Variants in SLIT2 observed in about 807,000 individuals in gnomAD.
SLIT2 encodes the protein slit homolog 2 protein.
In SLIT2, 41 loss-of-function variants were observed where a neutral mutation model predicts 185.7. The ratio of observed to expected loss-of-function variants is 0.22; its 90% CI spans 0.17 to 0.29. SLIT2 has a LOEUF of 0.29. Among genes scored for constraint, SLIT2 ranks in the 10% least tolerant of loss-of-function variants. The pLI, the probability that SLIT2 is intolerant of heterozygous loss-of-function variation, is 1.00. For missense variants in SLIT2, 1,571 were observed against 1,909.0 expected (o/e 0.82, Z 3.30); for synonymous variants, 693 against 680.2 (o/e 1.02, Z -0.29).
intron 4 of SLIT2, among the ~76,000 whole-genome samples, chr4:20,354,052 T>C (rs1003483388): frequency 2.6e-5 from 4 of 152,160 alleles, no homozygotes; most frequent in African/African-American, 9.6e-5. Flanking sequence ...AAAAGAGTGC[T>C]GTGTTAGCAG....
intron 29 of SLIT2, chr4:20,573,322 A>C: frequency 2.8e-6 from 2 of 702,790 alleles, no homozygotes; most frequent in Non-Finnish European, 5.2e-6. Flanking sequence ...TTGTAAAGTT[A>C]CATAGATTTC....
intron 11 of SLIT2, among the ~76,000 whole-genome samples, chr4:20,518,557 G>GTGTGTGTA (rs1271279922): frequency 3.4e-4 from 6 of 17,848 alleles, no homozygotes; most frequent in African/African-American, 4.4e-4. Flanking sequence ...CAGCCTATAT[G>GTGTGTGTA]TATATATATA....
intron 4 of SLIT2, among the ~76,000 whole-genome samples, chr4:20,367,691 A>G (rs1347703990): frequency 1.3e-5 from 2 of 152,166 alleles, no homozygotes; most frequent in Admixed American, 1.3e-4. Context: ...GGAATAACTC[A>G]GTTCACTGAA....
At chr4:20,277,503 TTC>T (rs1714285844) in intron 4 of SLIT2, among the ~76,000 whole-genome samples, 1 of 151,740 alleles carries the variant, frequency 6.6e-6, no homozygotes. Context: ...ATTATACATT[TTC>T]TAGGGTAAAA....
At chr4:20,340,843 G>A (rs574401121) in intron 4 of SLIT2, among the ~76,000 whole-genome samples, 7 of 152,092 alleles carry the variant, frequency 4.6e-5, no homozygotes, top group South Asian at 2.1e-4. Flanking sequence ...CCTCGTGATC[G>A]GCCTGCCTCG....
chr4:20,479,102 T>C (rs1716427435), intron 5 of SLIT2, among the ~76,000 whole-genome samples: 1 of 152,222 alleles, frequency 6.6e-6, no homozygotes, highest in Non-Finnish European at 1.5e-5. Context: ...TAAAATTGTA[T>C]CTTCTTTGGG....
chr4:20,471,564 T>A (rs917642749), intron 5 of SLIT2, among the ~76,000 whole-genome samples: 6 of 152,144 alleles, frequency 3.9e-5, no homozygotes, highest in African/African-American at 1.4e-4. Flanking sequence ...AAAAAGAAGC[T>A]GCCCAGGCCA....
chr4:20,492,554 A>G (rs1293377398), intron 9 of SLIT2, among the ~76,000 whole-genome samples: 2 of 152,222 alleles, frequency 1.3e-5, no homozygotes, highest in African/African-American at 4.8e-5. Flanking sequence ...AGGTCACATA[A>G]GATGTAAAAT....
At chr4:20,592,948 G>A (rs762340348) in intron 30 of SLIT2, among the ~76,000 whole-genome samples, 17 of 152,046 alleles carry the variant, frequency 1.1e-4, no homozygotes, top group Non-Finnish European at 1.9e-4. Context: ...ACTCTTAGAG[G>A]CTATATACTC....
At position 20,330,157 on chromosome 4, in the gene SLIT2, A is replaced by G. The variant is rs539664640; in HGVS notation, c.395+61276A>G. On this transcript the variant is annotated intron_variant, in intron 4 of 36. Transcript: ENST00000504154. The stretch of plus-strand genomic sequence containing the variant: ...GTGTTGATTGTGCAAATCTAGCTGA[A>G]TGATCAATTTATTCTGTGGTTTTTT... Among the ~76,000 whole-genome samples, 5 of 152,154 alleles carry G rather than the reference A, an allele frequency of 3.3e-5. No homozygotes were observed. In the East Asian group the frequency reaches 7.7e-4, roughly 24 times the overall value.
rs549188049 is a variant in SLIT2 at position 20,580,081 on chromosome 4, A to G, written c.3089-9563A>G. 1.1e-4 allele frequency among the ~76,000 whole-genome samples: 16 copies of G among 145,208 alleles called. No homozygotes were observed. In the South Asian group the frequency reaches 1.9e-3, roughly 17 times the overall value. On this transcript the variant is annotated intron_variant, in intron 29 of 36. Transcript: ENST00000504154. Reference sequence around the variant, plus strand: ...ATGTATATATTATATATATATATATATATTTGAGACCGTGTCTGGCCTAGG... The same window carrying G: ...ATGTATATATTATATATATATATATGTATTTGAGACCGTGTCTGGCCTAGG...
At chr4:20,306,057 C>T (rs1398722830) in intron 4 of SLIT2, among the ~76,000 whole-genome samples, 1 of 151,840 alleles carries the variant, frequency 6.6e-6, no homozygotes, top group East Asian at 1.9e-4. Flanking sequence ...GAAAGAAACC[C>T]TAGAATCTTG....
intron 4 of SLIT2, among the ~76,000 whole-genome samples, chr4:20,321,439 G>A (rs1719071819): frequency 6.6e-6 from 1 of 152,180 alleles, no homozygotes; most frequent in Admixed American, 6.5e-5. Context: ...AAAAATAGGA[G>A]TATATGAGTA....
intron 24 of SLIT2, among the ~76,000 whole-genome samples, chr4:20,550,381 A>T (rs1412383669): frequency 3.4e-5 from 5 of 148,326 alleles, no homozygotes; most frequent in Admixed American, 3.4e-4. Context: ...GGTTTTTTTT[A>T]AATGAAAGAA....
At chr4:20,425,381 A>G (rs1375667834) in intron 4 of SLIT2, among the ~76,000 whole-genome samples, 1 of 152,176 alleles carries the variant, frequency 6.6e-6, no homozygotes, top group East Asian at 1.9e-4. Flanking sequence ...ATAAATAAAT[A>G]AACAAATAAA....
chr4:20,444,645 C>T (rs1428483999), intron 4 of SLIT2, among the ~76,000 whole-genome samples: 3 of 152,164 alleles, frequency 2.0e-5, no homozygotes, highest in African/African-American at 7.2e-5. Flanking sequence ...AGTGCAGTAT[C>T]GGTGCAATAA....
Position 20,542,638 on chromosome 4 carries a change from T to C in SLIT2, c.2276+12T>C. On this transcript the variant is annotated intron_variant, in intron 21 of 36. Transcript: ENST00000504154. Reference sequence around the variant, plus strand: ...GATGTCACAGAGTTGTAAGTAGAGCTTGTCTTTCTTTTCTTTTCTTTTTCC... The same window carrying C: ...GATGTCACAGAGTTGTAAGTAGAGCCTGTCTTTCTTTTCTTTTCTTTTTCC... 1 of 1,611,294 alleles carries C rather than the reference T, an allele frequency of 6.2e-7. No homozygotes were observed. Among genetic ancestry groups the C allele is most frequent in the South Asian group, 1.1e-5 (1 of 90,226 alleles).
intron 4 of SLIT2, among the ~76,000 whole-genome samples, chr4:20,288,936 A>G (rs1715536844): frequency 6.6e-6 from 1 of 152,216 alleles, no homozygotes; most frequent in African/African-American, 2.4e-5. Flanking sequence ...ATGGACTTCA[A>G]GTCTCTGTTT....
chr4:20,476,454 C>G (rs1210571722), intron 5 of SLIT2, among the ~76,000 whole-genome samples: 2 of 151,956 alleles, frequency 1.3e-5, no homozygotes, highest in African/African-American at 4.8e-5. Flanking sequence ...ATAAAGTAAA[C>G]TATTTCTAGC....
Sources: gnomAD v4.1 joint callset for allele counts (sites outside exome capture counted in the v4.1 genomes callset) on GRCh38, gnomAD v4.1.1 for gene constraint, MANE v1.5 for transcripts, NCBI Gene and HGNC (gene_info 2026-07-23, HGNC 2026-07-21) for gene names.